The following ZCWPW2 variants were observed in gnomAD, a reference collection of about 807,000 sequenced individuals.
ZCWPW2 encodes zinc finger CW-type and PWWP domain containing 2.
A neutral mutation model predicts 46.6 loss-of-function variants in ZCWPW2; 45 were observed. The ratio of observed to expected loss-of-function variants is 0.96; its 90% CI spans 0.76 to 1.24. The LOEUF (loss-of-function observed/expected upper bound fraction) is 1.24. Ranked by LOEUF, ZCWPW2 falls within the 50% of genes most tolerant of loss-of-function variation. ZCWPW2 has a pLI of 0.00. For missense variants in ZCWPW2, 429 were observed against 403.9 expected (o/e 1.06, Z -0.53); for synonymous variants, 152 against 137.1 (o/e 1.11, Z -0.76).
At chr3:28,394,470 A>G (rs1695618293) in intron 2 of ZCWPW2, among the ~76,000 whole-genome samples, 1 of 152,102 alleles carries the variant, frequency 6.6e-6, no homozygotes, top group African/African-American at 2.4e-5. Flanking sequence ...AACAGAAGCA[A>G]TCTTGATCAA....
intron 1 of ZCWPW2, among the ~76,000 whole-genome samples, chr3:28,376,079 T>C (rs766513282): frequency 1.3e-5 from 2 of 152,140 alleles, no homozygotes; most frequent in Non-Finnish European, 2.9e-5. Context: ...ATCTTAACTA[T>C]TGTAATCAGT....
At chr3:28,518,173 G>A (rs1466976904) in intron 8 of ZCWPW2, among the ~76,000 whole-genome samples, 6 of 146,004 alleles carry the variant, frequency 4.1e-5, no homozygotes, top group South Asian at 2.1e-4. Context: ...TATGGACTTC[G>A]CTACTACAGA....
rs111917579 is a variant in ZCWPW2, at chr3:28,525,622, G to T, written c.*934G>T. ...ACAGCGGTGAATTTTATTGTGAGTT[G>T]CCTCATATTGCTTTAACAAGGAGGC... is the stretch of plus-strand genomic sequence containing the variant. On this transcript the variant is annotated 3_prime_UTR_variant, in exon 10 of 10. Coordinates refer to ENST00000383768, the MANE Select transcript of ZCWPW2 (RefSeq NM_001040432.4). 7.5e-3 allele frequency among the ~76,000 whole-genome samples: 1,144 copies of T among 152,200 alleles called. 29 individuals are homozygous for T. The highest frequency in any genetic ancestry group is 0.026 in the African/African-American group (1,079 of 41,550).
At chr3:28,518,352 T>C (rs73048820) in intron 8 of ZCWPW2, among the ~76,000 whole-genome samples, 3 of 152,260 alleles carry the variant, frequency 2.0e-5, no homozygotes, top group Non-Finnish European at 4.4e-5. Flanking sequence ...AGCAAAGGCA[T>C]TCATTTTGTC....
At chr3:28,362,137 A>G (rs540224226) in intron 1 of ZCWPW2, among the ~76,000 whole-genome samples, 16 of 152,210 alleles carry the variant, frequency 1.1e-4, no homozygotes, top group Non-Finnish European at 1.3e-4. Flanking sequence ...CCATAAGCAG[A>G]TAAATGGATA....
chr3:28,508,851 C>T (rs755231232), intron 6 of ZCWPW2, among the ~76,000 whole-genome samples: 2 of 152,072 alleles, frequency 1.3e-5, no homozygotes, highest in Admixed American at 6.6e-5. Context: ...CATGTCATTC[C>T]GTTTTTTAAA....
intron 6 of ZCWPW2, chr3:28,510,983 T>G (rs1269259368): frequency 2.2e-6 from 1 of 447,530 alleles, no homozygotes; most frequent in Non-Finnish European, 4.5e-6. Context: ...TACCACCTGG[T>G]AGCTACATTC....
Position 28,478,906 on chromosome 3 carries a change from A to G in ZCWPW2, c.585A>G (p.Glu195=). The change falls in exon 5 of 10, where the codon GAA becomes GAG. Residue 195 remains glutamate, a synonymous_variant. Coordinates refer to ENST00000383768, the MANE Select transcript of ZCWPW2 (RefSeq NM_001040432.4). ...GATATTCTCATGAGCAAAGACTGGAAATGTGCTGCCTATCAAAACTACAAG... is the reference window on the plus strand; with the variant it reads ...GATATTCTCATGAGCAAAGACTGGAGATGTGCTGCCTATCAAAACTACAAG... ...LYGYSHEQRL[E]MCCLSKLQDK... The G allele has an allele frequency of 6.3e-7, 1 of 1,587,842 alleles. No individual in the cohort carries two copies. Among genetic ancestry groups the G allele is most frequent in the South Asian group, 1.2e-5 (1 of 85,030 alleles).
intron 1 of ZCWPW2, among the ~76,000 whole-genome samples, chr3:28,359,530 A>G (rs1051232641): frequency 1.3e-5 from 2 of 152,146 alleles, no homozygotes; most frequent in Admixed American, 6.6e-5. Context: ...GGCCTAGAGA[A>G]AAATATGTAT....
intron 2 of ZCWPW2, among the ~76,000 whole-genome samples, chr3:28,412,545 C>G (rs999093689): frequency 1.3e-5 from 2 of 151,914 alleles, no homozygotes; most frequent in Non-Finnish European, 2.9e-5. Flanking sequence ...ATTTAAATTC[C>G]AGCTCTACTG....
intron 5 of ZCWPW2, among the ~76,000 whole-genome samples, chr3:28,483,366 C>G (rs987233413): frequency 1.3e-5 from 2 of 152,102 alleles, no homozygotes; most frequent in African/African-American, 4.8e-5. Flanking sequence ...TTTGCCAATA[C>G]CACACTGTAT....
At chr3:28,448,218 A>G (rs1698072169) in intron 4 of ZCWPW2, 1 of 158,664 alleles carries the variant, frequency 6.3e-6, no homozygotes, top group South Asian at 1.9e-4. Flanking sequence ...CCACAAAAAA[A>G]TTAGAACTAA....
intron 4 of ZCWPW2, among the ~76,000 whole-genome samples, chr3:28,445,495 T>C (rs1243391544): frequency 6.6e-6 from 1 of 152,124 alleles, no homozygotes; most frequent in South Asian, 2.1e-4. Context: ...TAAAGTGTTA[T>C]AACTTTAGGA....
At chr3:28,491,736 G>C (rs1452276901) in intron 5 of ZCWPW2, among the ~76,000 whole-genome samples, 1 of 152,004 alleles carries the variant, frequency 6.6e-6, no homozygotes, top group East Asian at 1.9e-4. Flanking sequence ...TAAAGTCCTT[G>C]TCCCATGTCC....
At chr3:28,436,761 A>G (rs1697518223) in intron 4 of ZCWPW2, among the ~76,000 whole-genome samples, 1 of 152,202 alleles carries the variant, frequency 6.6e-6, no homozygotes, top group Non-Finnish European at 1.5e-5. Flanking sequence ...TATACGAGGC[A>G]TCTTCTCTGC....
In ZCWPW2 at chr3:28,413,049, T is replaced by C; in HGVS notation, c.-13-7T>C. 1.3e-6 allele frequency: 2 copies of C among 1,582,548 alleles called. No homozygotes were observed. Among genetic ancestry groups the C allele is most frequent in the Non-Finnish European group, 1.7e-6 (2 of 1,163,740 alleles). On this transcript the variant is annotated splice_polypyrimidine_tract_variant and splice_region_variant and intron_variant, in intron 2 of 9. Coordinates refer to ENST00000383768, the MANE Select transcript of ZCWPW2 (RefSeq NM_001040432.4). ...ATTCTGTTATTTTCCTCTTTCTTATTTTCCAGATTAAATGCCTTAATGGAT... is the reference window on the plus strand; with the variant it reads ...ATTCTGTTATTTTCCTCTTTCTTATCTTCCAGATTAAATGCCTTAATGGAT...
rs1429104660 is a variant in ZCWPW2 at position 28,349,056 on chromosome 3, G to A, written c.-281G>A. 1 of 986,036 alleles carries A rather than the reference G, an allele frequency of 1.0e-6. No homozygotes were observed. The highest frequency in any genetic ancestry group is 1.2e-6 in the Non-Finnish European group (1 of 830,388). 61.1% of individuals were successfully genotyped at this position (986,036 alleles called of 1,614,324 possible). On this transcript the variant is annotated 5_prime_UTR_variant, in exon 1 of 10. Transcript: ENST00000383768. ...GAAACCGGAAGTCAGGCCCGAGGGAGCTGGGAGGGCGTTAGCGAAGCCAGG... is the reference window on the plus strand; with the variant it reads ...GAAACCGGAAGTCAGGCCCGAGGGAACTGGGAGGGCGTTAGCGAAGCCAGG...
intron 1 of ZCWPW2, among the ~76,000 whole-genome samples, chr3:28,374,384 T>C (rs574971915): frequency 6.7e-4 from 102 of 152,230 alleles, no homozygotes; most frequent in African/African-American, 2.2e-3. Flanking sequence ...TTACTTTGGC[T>C]TTGTATAGTA....
At chr3:28,417,499 T>C (rs1304503059) in intron 3 of ZCWPW2, among the ~76,000 whole-genome samples, 1 of 152,116 alleles carries the variant, frequency 6.6e-6, no homozygotes, top group Non-Finnish European at 1.5e-5. Context: ...GAGGGAATCT[T>C]CCCTAACTCA....
Sources: gnomAD v4.1 joint callset for allele counts (sites outside exome capture counted in the v4.1 genomes callset) on GRCh38, gnomAD v4.1.1 for gene constraint, MANE v1.5 for transcripts, NCBI Gene and HGNC (gene_info 2026-07-23, HGNC 2026-07-21) for gene names.